SMYD3: variants seen among roughly 807,000 people sequenced by gnomAD.
The protein encoded by SMYD3 is SET and MYND domain containing 3, also known as histone-lysine N-methyltransferase SMYD3.
In SMYD3, 36 loss-of-function variants were observed where a neutral mutation model predicts 57.7. That is an observed-to-expected ratio of 0.62 (90% CI 0.48 to 0.82). The LOEUF (loss-of-function observed/expected upper bound fraction) is 0.82, where lower values mean the gene tolerates loss of function less well. SMYD3 is among the 40% of genes least tolerant of loss of function. SMYD3 has a pLI of 0.00. For missense variants in SMYD3, 515 were observed against 538.8 expected, an observed-to-expected ratio of 0.96 and a Z score of 0.44; for synonymous variants, 211 against 195.0, an observed-to-expected ratio of 1.08 and a Z score of -0.68.
At chr1:246,439,887 C>G (rs1278378192) in intron 1 of SMYD3, among the ~76,000 whole-genome samples, 1 of 152,032 alleles carries the variant, frequency 6.6e-6, no homozygotes. Flanking sequence ...GAGGTCAAGG[C>G]TGCAGTGAGC....
chr1:245,749,832 T>C (rs1425858227), intron 11 of SMYD3, among the ~76,000 whole-genome samples, 168 bp from the exon 12 acceptor site: 2 of 152,146 alleles, frequency 1.3e-5, no homozygotes, highest in East Asian at 3.9e-4. Context: ...GAAAGTCACA[T>C]GAAAAGGGTG....
chr1:245,929,198 C>A (rs993246736), intron 6 of SMYD3, among the ~76,000 whole-genome samples: 2 of 152,190 alleles, frequency 1.3e-5, no homozygotes, highest in Non-Finnish European at 2.9e-5. Context: ...CTTTTGAGAA[C>A]CACCTACCAG....
intron 10 of SMYD3, among the ~76,000 whole-genome samples, chr1:245,830,913 G>C (rs980956386): frequency 4.6e-5 from 7 of 152,092 alleles, no homozygotes; most frequent in Non-Finnish European, 7.4e-5. Flanking sequence ...TTTAGAGCAA[G>C]ACATAGATTC....
At chr1:245,994,880 A>T (rs10802314) in intron 5 of SMYD3, among the ~76,000 whole-genome samples, 77,737 of 151,910 alleles carry the variant, frequency 0.51, 23,439 homozygotes, top group Middle Eastern at 0.69. Flanking sequence ...TAATTCCAGC[A>T]CTTTGGGAGG....
chr1:246,404,081 CAT>C (rs1191877829), intron 1 of SMYD3, among the ~76,000 whole-genome samples: 1 of 152,188 alleles, frequency 6.6e-6, no homozygotes, highest in African/African-American at 2.4e-5. Context: ...AGCCAGCCAG[CAT>C]ATCACCCTTC....
At chr1:246,113,098 C>A (rs2061276684) in intron 5 of SMYD3, among the ~76,000 whole-genome samples, 1 of 152,018 alleles carries the variant, frequency 6.6e-6, no homozygotes, top group Non-Finnish European at 1.5e-5. Flanking sequence ...AGGAGAATCG[C>A]TTGAACCCAG....
chr1:245,867,391 A>G (rs769111753), intron 8 of SMYD3, among the ~76,000 whole-genome samples: 4 of 152,230 alleles, frequency 2.6e-5, no homozygotes, highest in Non-Finnish European at 2.9e-5. Context: ...TTTATGATCA[A>G]TTGTTACAGC....
intron 5 of SMYD3, among the ~76,000 whole-genome samples, chr1:246,083,509 C>CA (rs80025158): frequency 0.62 from 66,790 of 108,494 alleles, 18,039 homozygotes; most frequent in Non-Finnish European, 0.68. Flanking sequence ...AGGCTGGTGC[C>CA]GGCGCGGGTC....
At chr1:246,424,015 T>C (rs565038271) in intron 1 of SMYD3, among the ~76,000 whole-genome samples, 2 of 152,212 alleles carry the variant, frequency 1.3e-5, no homozygotes, top group South Asian at 2.1e-4. Flanking sequence ...GCAAGAAGAA[T>C]TGGGTACCAG....
chr1:245,877,627 A>G (rs1468036600), intron 8 of SMYD3, among the ~76,000 whole-genome samples: 2 of 152,212 alleles, frequency 1.3e-5, no homozygotes, highest in African/African-American at 4.8e-5. Context: ...GTGTAACAAG[A>G]TGATAACCTG....
chr1:246,210,539 G>A (rs2063068842), intron 5 of SMYD3, among the ~76,000 whole-genome samples: 2 of 151,826 alleles, frequency 1.3e-5, no homozygotes, highest in African/African-American at 4.8e-5. Flanking sequence ...GCGAAACCCC[G>A]TCTCTACTAA....
chr1:246,330,411 A>G, intron 4 of SMYD3, 69 bp downstream of exon 4: 1 of 1,248,508 alleles, frequency 8.0e-7, no homozygotes, highest in Non-Finnish European at 1.1e-6. Context: ...AGTTAAAAAT[A>G]AATCCATTCA....
chr1:246,025,802 A>G (rs949402629), intron 5 of SMYD3: 1 of 152,208 alleles, frequency 6.6e-6, no homozygotes, highest in African/African-American at 2.4e-5. Context: ...ATTTTCAGTG[A>G]CCTAAGGTGC....
intron 4 of SMYD3, among the ~76,000 whole-genome samples, 199 bp downstream of exon 4, chr1:246,330,281 T>C (rs1035092642): frequency 6.6e-6 from 1 of 152,202 alleles, no homozygotes; most frequent in Non-Finnish European, 1.5e-5. Flanking sequence ...TCATGGCGCT[T>C]TACTAACCCT....
At chr1:246,282,513 TTAA>T (rs969143872) in intron 5 of SMYD3, among the ~76,000 whole-genome samples, 4 of 144,858 alleles carry the variant, frequency 2.8e-5, no homozygotes, top group African/African-American at 1.0e-4. Flanking sequence ...CTCAAAAAAA[TTAA>T]TAATAATTTT....
At chr1:246,049,138 C>G (rs1248439411) in intron 5 of SMYD3, among the ~76,000 whole-genome samples, 1 of 151,224 alleles carries the variant, frequency 6.6e-6, no homozygotes, top group African/African-American at 2.4e-5. Flanking sequence ...AGCATGAGCC[C>G]AACCCTGAGA....
At chr1:246,159,309 G>A (rs1322526844) in intron 5 of SMYD3, among the ~76,000 whole-genome samples, 3 of 152,088 alleles carry the variant, frequency 2.0e-5, no homozygotes, top group East Asian at 3.9e-4. Context: ...GCCCCTCCTG[G>A]TGTGTAGCTC....
At chr1:246,160,785 T>C (rs1449128006) in intron 5 of SMYD3, among the ~76,000 whole-genome samples, 7 of 152,174 alleles carry the variant, frequency 4.6e-5, no homozygotes, top group Admixed American at 3.9e-4. Flanking sequence ...GAGGATTCTG[T>C]GGGTGACTCC....
rs1182642267 is a variant in SMYD3 at position 246,506,989 on chromosome 1, GC to G, written c.164+64del. Reference sequence around the variant, plus strand: ...GTCCCGCGGCTGCCGGCCGCCCGACGCCCCCCCCTCCCCAGCACCCCACACA... The same window carrying G: ...GTCCCGCGGCTGCCGGCCGCCCGACGCCCCCCCTCCCCAGCACCCCACACA... On this transcript the variant is annotated intron_variant, in intron 1 of 11. Coordinates refer to ENST00000490107, the MANE Select transcript of SMYD3 (RefSeq NM_001167740.2). 358 of 650,296 alleles carry G rather than the reference GC, an allele frequency of 5.5e-4. 13 individuals are homozygous for G. The highest frequency in any genetic ancestry group is 1.5e-3 in the East Asian group (23 of 15,264). The allele number at this position is 650,296 out of a possible 1,614,324, so 40.3% of individuals were successfully genotyped here. A position where few individuals can be genotyped will look rare whatever the true frequency, so the allele number is the denominator to read the frequency against.
Sources: gnomAD v4.1 joint callset for allele counts (sites outside exome capture counted in the v4.1 genomes callset) on GRCh38, gnomAD v4.1.1 for gene constraint, MANE v1.5 for transcripts, NCBI Gene and HGNC (gene_info 2026-07-23, HGNC 2026-07-21) for gene names.